Variants in SMG6 observed in about 807,000 individuals in gnomAD.
SMG6 encodes the protein telomerase-binding protein EST1A.
A neutral mutation model predicts 142.2 loss-of-function variants in SMG6; 66 were observed. That is an observed-to-expected ratio of 0.46 (90% confidence interval 0.38 to 0.57). The LOEUF is 0.57. SMG6 is among the 20% of genes least tolerant of loss of function. The pLI, the probability that SMG6 is intolerant of heterozygous loss-of-function variation, is 0.00. For synonymous variants in SMG6, 779 were observed against 702.4 expected (o/e 1.11, Z -1.72); for missense variants, 1,793 against 1,832.0 (o/e 0.98, Z 0.39).
chr17:2,156,458 A>C (rs2071010042), intron 13 of SMG6, among the ~76,000 whole-genome samples: 1 of 145,884 alleles, frequency 6.9e-6, no homozygotes. Flanking sequence ...CTTCTATCTT[A>C]GAGTGACACT....
chr17:2,141,796 G>C (rs1349909910), intron 13 of SMG6, among the ~76,000 whole-genome samples: 2 of 152,162 alleles, frequency 1.3e-5, no homozygotes, highest in African/African-American at 4.8e-5. Context: ...TTCTGGGGAA[G>C]CATCTGGAGC....
Position 2,196,759 on chromosome 17 carries a change from T to G in SMG6, c.2870-8244A>C, listed in dbSNP as rs537209170. Among the ~76,000 whole-genome samples the G allele has an allele frequency of 2.6e-5, 4 of 152,274 alleles. No homozygotes were observed. In the South Asian group the frequency reaches 8.3e-4, roughly 32 times the overall value. The stretch of plus-strand genomic sequence containing the variant: ...AGTTAATGAAGAAAGGGGCCGGGCA[T>G]GGTGGTTCATGCCTATAATCTCAGC... On this transcript the variant is annotated intron_variant, in intron 10 of 18. Transcript: ENST00000263073.
intron 13 of SMG6, among the ~76,000 whole-genome samples, chr17:2,103,875 G>A (rs764338380): frequency 1.7e-4 from 26 of 152,054 alleles, no homozygotes; most frequent in Admixed American, 7.2e-4. Flanking sequence ...GTCGTCTCAA[G>A]ATTAGTCTGC....
chr17:2,287,214 C>T (rs938817662), intron 6 of SMG6, among the ~76,000 whole-genome samples: 4 of 151,922 alleles, frequency 2.6e-5, no homozygotes, highest in Non-Finnish European at 4.4e-5. Flanking sequence ...CCACTGGGCC[C>T]GGCTAAAATA....
rs765600948 is a variant in SMG6, at chr17:2,300,214, T to C, written c.539A>G (p.Asp180Gly). The C allele has an allele frequency of 4.3e-6, 7 of 1,614,060 alleles. No individual in the cohort carries two copies. The highest frequency in any genetic ancestry group is 4.0e-5 in the African/African-American group (3 of 74,932). ...NQVEQLRVEE[D>G]ECRGNVAKEE... ...CTTCGCAACATTTCCCCTACACTCA[T>C]CTTCCTCTACTCTCAGTTGTTCTAC... Residue 180 changes from aspartate (D) to glycine (G), a missense_variant, in exon 2 of 19, where the codon GAT becomes GGT. Around this residue, in one of 3 missense-constraint regions of SMG6, gnomAD observed 1,597 missense variants for 1,584.6 expected, o/e 1.01. Coordinates refer to ENST00000263073, the MANE Select transcript of SMG6 (RefSeq NM_017575.5).
At chr17:2,220,963 C>T (rs1279422462) in intron 10 of SMG6, among the ~76,000 whole-genome samples, 1 of 152,004 alleles carries the variant, frequency 6.6e-6, no homozygotes, top group Non-Finnish European at 1.5e-5. Flanking sequence ...ATAAATAGGA[C>T]AGAATTGCTC....
At chr17:2,141,715 T>C (rs572490250) in intron 13 of SMG6, among the ~76,000 whole-genome samples, 1 of 152,304 alleles carries the variant, frequency 6.6e-6, no homozygotes, top group South Asian at 2.1e-4. Flanking sequence ...AGTGCTGAGA[T>C]GACAGGCACA....
chr17:2,089,346 G>A (rs527923505), intron 13 of SMG6, among the ~76,000 whole-genome samples: 126 of 152,216 alleles, frequency 8.3e-4, no homozygotes, highest in African/African-American at 2.8e-3. Context: ...TAAAAGGGCC[G>A]CCAGCCAGGG....
At chr17:2,264,543 C>T (rs902782120) in intron 8 of SMG6, among the ~76,000 whole-genome samples, 24 of 152,180 alleles carry the variant, frequency 1.6e-4, no homozygotes, top group African/African-American at 5.8e-4. Flanking sequence ...TCAAAACAAA[C>T]CTTTCATAAA....
At chr17:2,254,671 C>A (rs139389458) in intron 8 of SMG6, among the ~76,000 whole-genome samples, 1 of 152,060 alleles carries the variant, frequency 6.6e-6, no homozygotes, top group Non-Finnish European at 1.5e-5. Flanking sequence ...GTTGACACAG[C>A]GTAAGAGGGA....
chr17:2,144,345 G>C (rs1258851509), intron 13 of SMG6, among the ~76,000 whole-genome samples: 1 of 152,026 alleles, frequency 6.6e-6, no homozygotes, highest in African/African-American at 2.4e-5. Flanking sequence ...GCGGTTACAG[G>C]CGTGAGCCAT....
chr17:2,184,349 CA>C (rs1434297723), intron 12 of SMG6, among the ~76,000 whole-genome samples: 1 of 147,828 alleles, frequency 6.8e-6, no homozygotes, highest in Non-Finnish European at 1.5e-5. Flanking sequence ...GGCAACAGAG[CA>C]AGACTCTGGG....
chr17:2,080,881 C>T (rs928915086), intron 15 of SMG6, among the ~76,000 whole-genome samples: 16 of 152,160 alleles, frequency 1.1e-4, no homozygotes, highest in Non-Finnish European at 2.2e-4. Flanking sequence ...ATGATCCGCC[C>T]GCCTCAGCCT....
rs538818606 is a variant in SMG6, at chr17:2,248,139, C to T, written c.2662-3420G>A. Reference sequence around the variant, plus strand: ...AAAAATAAAAATAAAAAGATACTAACCCACTTCATTCAAGCCTAAATACCA... The same window carrying T: ...AAAAATAAAAATAAAAAGATACTAATCCACTTCATTCAAGCCTAAATACCA... On this transcript the variant is annotated intron_variant, in intron 8 of 18. Transcript: ENST00000263073. 3.9e-5 allele frequency among the ~76,000 whole-genome samples: 6 copies of T among 152,186 alleles called. No individual in the cohort carries two copies. In the East Asian group the frequency reaches 1.2e-3, roughly 29 times the overall value.
chr17:2,293,514 G>A (rs1352149068), intron 4 of SMG6, among the ~76,000 whole-genome samples: 4 of 152,152 alleles, frequency 2.6e-5, no homozygotes, highest in Admixed American at 2.0e-4. Context: ...CTGTTGCCCA[G>A]GCTGGAGTGT....
chr17:2,241,079 A>T (rs1326142178), intron 9 of SMG6, among the ~76,000 whole-genome samples: 2 of 152,216 alleles, frequency 1.3e-5, no homozygotes, highest in African/African-American at 4.8e-5. Context: ...GAATAAGAGG[A>T]TACCCATAGA....
intron 11 of SMG6, among the ~76,000 whole-genome samples, chr17:2,188,003 C>T (rs1035499406): frequency 4.6e-5 from 7 of 152,096 alleles, no homozygotes. Flanking sequence ...CCCATGATGG[C>T]TGGTCCACAG....
chr17:2,173,047 T>G (rs572874159), intron 12 of SMG6, 188 bp from the exon 13 acceptor site: 2 of 609,518 alleles, frequency 3.3e-6, no homozygotes, highest in South Asian at 4.0e-5. Flanking sequence ...GGTATGTGTA[T>G]GTGGATTTAT....
intron 13 of SMG6, among the ~76,000 whole-genome samples, chr17:2,112,513 A>C (rs2069362191): frequency 8.4e-6 from 1 of 119,188 alleles, no homozygotes; most frequent in Non-Finnish European, 1.7e-5. Context: ...GTCTCAAAAA[A>C]AATAAAATAA....
Sources: gnomAD v4.1 joint callset for allele counts (sites outside exome capture counted in the v4.1 genomes callset) on GRCh38, gnomAD v4.1.1 for gene constraint, gnomAD v4.1.1 regional missense constraint, MANE v1.5 for transcripts, NCBI Gene and HGNC (gene_info 2026-07-23, HGNC 2026-07-21) for gene names.